Variants in OPLAH observed in about 807,000 individuals in gnomAD.
OPLAH encodes the protein 5-oxoprolinase.
Under a neutral mutation model 122.8 loss-of-function variants are expected in OPLAH, and 103 were observed. The ratio of observed to expected loss-of-function variants is 0.84; its 90% CI spans 0.71 to 0.99. OPLAH has a LOEUF of 0.99. Ranked by LOEUF, OPLAH falls within the 50% of genes least tolerant of loss-of-function variation. OPLAH has a pLI of 0.00. For missense variants in OPLAH, 1,902 were observed against 1,836.5 expected, an observed-to-expected ratio of 1.04 and a Z score of -0.65; for synonymous variants, 875 against 796.0, an observed-to-expected ratio of 1.10 and a Z score of -1.67.
In OPLAH at chr8:144,056,679, G is replaced by A. The variant is rs1554759245; in HGVS notation, c.1783C>T (p.Gln595Ter). Residue 595 changes from glutamine to a stop codon, truncating the protein, a stop_gained, in exon 13 of 27, where the codon CAG becomes TAG. Coordinates refer to ENST00000618853, the MANE Select transcript of OPLAH (RefSeq NM_017570.5). LOFTEE classifies it high-confidence loss of function. ...TDCALMVSAH[Q>*]HPATARSPRA... ...GGCGAGCGGGCTGTGGCTGGGTGCT[G>A]GTGGGCAGACACCATCAGAGCACAG... The A allele has an allele frequency of 1.9e-6, 3 of 1,611,760 alleles. No homozygotes were observed. Among genetic ancestry groups the A allele is most frequent in the Non-Finnish European group, 2.5e-6 (3 of 1,179,620 alleles).
chr8:144,056,623 C>T lies in OPLAH; in HGVS notation c.1839G>A (p.Val613=). Residue 613 remains valine, a synonymous_variant, in exon 13 of 27, where the codon GTG becomes GTA. Coordinates refer to ENST00000618853, the MANE Select transcript of OPLAH (RefSeq NM_017570.5). ...GGAGTCAGGAAGCCACGTACCGCTC[C>T]ACAAAGGCTGCCCCGAAGTCCCCCG... ...PRAGDFGAAF[V]ERYMREFGFV... is the part of the protein sequence containing the mutation. The T allele has an allele frequency of 6.2e-7, 1 of 1,612,316 alleles. No individual in the cohort carries two copies. The highest frequency in any genetic ancestry group is 8.5e-7 in the Non-Finnish European group (1 of 1,179,778).
chr8:144,057,650 G>A lies in OPLAH; in HGVS notation c.1220C>T (p.Pro407Leu). The A allele has an allele frequency of 6.2e-7, 1 of 1,606,176 alleles. No homozygotes were observed. The highest frequency in any genetic ancestry group is 8.5e-7 in the Non-Finnish European group (1 of 1,176,212). ...VLGRLLPASF[P>L]CIFGPGENQP... ...GTTCTCTCCCGGCCCAAAAATGCAG[G>A]GGAAGGAGGCAGGCAGCAGGCGACC... is the stretch of plus-strand genomic sequence containing the variant. Residue 407 changes from proline (P) to leucine (L), a missense_variant, in exon 10 of 27, where the codon CCC becomes CTC. Physicochemically the swap from Pro to Leu is moderately conservative, Grantham distance 98 (BLOSUM62 -3). Coordinates refer to ENST00000618853, the MANE Select transcript of OPLAH (RefSeq NM_017570.5).
chr8:144,059,698 C>T lies in OPLAH; in HGVS notation c.264G>A (p.Leu88=). ...CCACCCGCTCCCCCTTCCGCTCCAGCAGTGCGTTGGTGGCCACTGTGGTGC... is the reference window on the plus strand; with the variant it reads ...CCACCCGCTCCCCCTTCCGCTCCAGTAGTGCGTTGGTGGCCACTGTGGTGC... ...RMGTTVATNA[L]LERKGERVAL... is the part of the protein sequence containing the mutation. Residue 88 remains leucine, a synonymous_variant, in exon 3 of 27, where the codon CTG becomes CTA. Transcript: ENST00000618853. The T allele has an allele frequency of 1.2e-6, 2 of 1,612,148 alleles. No individual in the cohort carries two copies. Among genetic ancestry groups the T allele is most frequent in the Non-Finnish European group, 1.7e-6 (2 of 1,179,836 alleles).
rs781909327 is a variant in OPLAH, at chr8:144,059,012, C to T, written c.431G>A (p.Arg144His). The T allele has an allele frequency of 1.6e-5, 25 of 1,583,360 alleles. No individual in the cohort carries two copies. The highest frequency in any genetic ancestry group is 1.6e-4 in the Middle Eastern group (1 of 6,062). The stretch of plus-strand genomic sequence containing the variant: ...AGGCGTCCCGGTGCCCGCCTCTCCA[C>T]GGTGCAGCACCACGCGTTCGTCCAC... The part of the protein sequence containing the change: ...LEVDERVVLH[R>H]GEAGTGTPVK... The change falls in exon 4 of 27, where the codon CGT (arginine) becomes CAT (histidine). Residue 144 changes from arginine (R) to histidine (H), a missense_variant. Arg to His is a conservative substitution (Grantham distance 29). Coordinates refer to ENST00000618853, the MANE Select transcript of OPLAH (RefSeq NM_017570.5).
chr8:144,051,713 A>C lies in OPLAH; in HGVS notation c.3720+16T>G. The C allele has an allele frequency of 1.3e-6, 2 of 1,575,634 alleles. No homozygotes were observed. The highest frequency in any genetic ancestry group is 1.7e-6 in the Non-Finnish European group (2 of 1,160,366). ...GGAGGGGAGGGGAGGGGGACAGGAC[A>C]GGCCGCGGCCCTTACCCCGGGGTAC... On this transcript the variant is annotated intron_variant, in intron 26 of 26. Coordinates refer to ENST00000618853, the MANE Select transcript of OPLAH (RefSeq NM_017570.5).
Position 144,055,890 on chromosome 8 carries a change from C to G in OPLAH, c.2146G>C (p.Asp716His). 6.3e-7 allele frequency: 1 copy of G among 1,587,126 alleles called. No individual in the cohort carries two copies. The highest frequency in any genetic ancestry group is 8.6e-7 in the Non-Finnish European group (1 of 1,167,104). The change falls in exon 16 of 27, where the codon GAC (aspartate) becomes CAC (histidine). Residue 716 changes from aspartate to histidine, a missense_variant. Around this residue, in one of 3 missense-constraint regions of OPLAH, gnomAD observed 1,726 missense variants for 1,642.1 expected, o/e 1.05. Coordinates refer to ENST00000618853, the MANE Select transcript of OPLAH (RefSeq NM_017570.5). This position sits in a 1 kb window ranked among gnomAD's most constrained non-coding sequence, Gnocchi z 6.5. Reference sequence around the variant, plus strand: ...TCGGCCCCCACGGAGATGCAGATGTCCCCTGTCTTGGTCACCTCTGCCTGG... The same window carrying G: ...TCGGCCCCCACGGAGATGCAGATGTGCCCTGTCTTGGTCACCTCTGCCTGG... ...GCQAEVTKTGDICISVGAEVP... is the reference protein window; with the variant it reads ...GCQAEVTKTGHICISVGAEVP...
rs1350352849 is a variant in OPLAH at position 144,060,681 on chromosome 8, G to GCGGTC, written c.-87_-83dup. Reference sequence around the variant, plus strand: ...GCGCTCGGCTCCGGCTCGGTCGCTCGCGGTCGGCTCTGCCTGCGCTCCCGG... The same window carrying GCGGTC: ...GCGCTCGGCTCCGGCTCGGTCGCTCGCGGTCCGGTCGGCTCTGCCTGCGCTCCCGG... On this transcript the variant is annotated 5_prime_UTR_variant, in exon 1 of 27. Transcript: ENST00000618853. The GCGGTC allele has an allele frequency of 6.6e-6, 1 of 152,060 alleles. No homozygotes were observed. The allele number at this position is 152,060 out of a possible 1,614,324, so 9.4% of individuals were successfully genotyped here.
Position 144,052,156 on chromosome 8 carries a change from G to T in OPLAH, c.3461+13C>A. On this transcript the variant is annotated intron_variant, in intron 24 of 26. Transcript: ENST00000618853. Reference sequence around the variant, plus strand: ...ACCCGGCCGTGCCCCCAGCCTCCGCGCACGCCGCTCACCGGCTCTCCAGGA... The same window carrying T: ...ACCCGGCCGTGCCCCCAGCCTCCGCTCACGCCGCTCACCGGCTCTCCAGGA... The T allele has an allele frequency of 6.4e-7, 1 of 1,556,830 alleles. No homozygotes were observed.
chr8:144,063,086 G>C (rs1183513758), upstream of OPLAH, among the ~76,000 whole-genome samples: 1 of 151,994 alleles, frequency 6.6e-6, no homozygotes, highest in Non-Finnish European at 1.5e-5. This position sits in a 1 kb window ranked among gnomAD's most constrained non-coding sequence, Gnocchi z 4.2. Flanking sequence ...ATGCCACGCA[G>C]CCCCTCCACA....
At chr8:144,056,787 A>T in intron 12 of OPLAH, 32 bp from the exon 13 acceptor site, 1 of 1,583,852 alleles carries the variant, frequency 6.3e-7, no homozygotes, top group Admixed American at 1.7e-5. Flanking sequence ...ACTCACACCA[A>T]ACCCCCTGCC....
At position 144,052,508 on chromosome 8, in the gene OPLAH, T is replaced by C. The variant is rs782458510; in HGVS notation, c.3244A>G (p.Thr1082Ala). Reference sequence around the variant, plus strand: ...ATGACATCCACCACGCGCTGCGACGTGAGCACGTTGCCGCCCACCACCGCC... The same window carrying C: ...ATGACATCCACCACGCGCTGCGACGCGAGCACGTTGCCGCCCACCACCGCC... ...EAAVVGGNVL[T>A]SQRVVDVILG... Residue 1082 changes from threonine to alanine, a missense_variant, in exon 23 of 27, where the codon ACG becomes GCG. Thr to Ala is a moderately conservative substitution (Grantham distance 58). Transcript: ENST00000618853. 6.3e-7 allele frequency: 1 copy of C among 1,578,766 alleles called. No individual in the cohort carries two copies. The highest frequency in any genetic ancestry group is 1.1e-5 in the South Asian group (1 of 87,650).
chr8:144,052,820 G>A lies in OPLAH; in HGVS notation c.3099C>T (p.Ser1033=). ...GACAGCGCAGGCAGTAGATGAGGGC[G>A]GACAGGGTTACGGCCCGCGGTGCGT... ...NLNAPRAVTL[S]ALIYCLRCLV... is the part of the protein sequence containing the mutation. Residue 1033 remains serine, a synonymous_variant, in exon 22 of 27, where the codon TCC becomes TCT. Transcript: ENST00000618853. 3 of 1,560,384 alleles carry A rather than the reference G, an allele frequency of 1.9e-6. No individual in the cohort carries two copies. The highest frequency in any genetic ancestry group is 1.2e-5 in the South Asian group (1 of 84,698).
At chr8:144,063,684 C>T (rs1554761246), upstream of OPLAH, 2 of 152,510 alleles carry the variant, frequency 1.3e-5, no homozygotes, top group African/African-American at 4.8e-5. The surrounding 1 kb of genome is among the most constrained non-coding windows in gnomAD (Gnocchi z 4.2). Flanking sequence ...AGTCTTGGGG[C>T]CCCGGTACGG....
At chr8:144,052,688 G>C (rs1835413767) in intron 22 of OPLAH, 78 bp downstream of exon 22, 1 of 1,538,550 alleles carries the variant, frequency 6.5e-7, no homozygotes, top group Non-Finnish European at 8.8e-7. Context: ...CGTGGGGTCA[G>C]ACCGTGGCTG....
chr8:144,059,201 G>T, intron 3 of OPLAH, 122 bp from the exon 4 acceptor site: 1 of 803,300 alleles, frequency 1.2e-6, no homozygotes, highest in Non-Finnish European at 2.0e-6. Context: ...GCCCAGGAGA[G>T]TCATACCTGG....
Position 144,051,491 on chromosome 8 carries a change from G to GC in OPLAH, c.3721-20dup. 2.2e-6 allele frequency: 3 copies of GC among 1,381,846 alleles called. No homozygotes were observed. Among genetic ancestry groups the GC allele is most frequent in the Non-Finnish European group, 2.9e-6 (3 of 1,052,586 alleles). 85.6% of individuals were successfully genotyped at this position (1,381,846 alleles called of 1,614,324 possible). ...ACACATCCTGTTGGCGCGGGGGGGG[G>GC]CGGGGAGGCGGGCTCAGTGCAGGCG... On this transcript the variant is annotated intron_variant, in intron 26 of 26. Coordinates refer to ENST00000618853, the MANE Select transcript of OPLAH (RefSeq NM_017570.5).
At chr8:144,057,794 G>A (rs782115996) in intron 9 of OPLAH, 62 bp downstream of exon 9, 2 of 1,607,546 alleles carry the variant, frequency 1.2e-6, no homozygotes, top group South Asian at 1.1e-5. Flanking sequence ...GCTGACAGGA[G>A]GGGCTGGGCC....
intron 1 of OPLAH, among the ~76,000 whole-genome samples, chr8:144,060,417 C>G (rs1418307419): frequency 6.6e-6 from 1 of 152,190 alleles, no homozygotes; most frequent in Non-Finnish European, 1.5e-5. Flanking sequence ...CACGGGAGTG[C>G]GGGGAGGGGG....
rs782134508 is a variant in OPLAH at position 144,058,325 on chromosome 8, G to A, written c.863C>T (p.Ser288Leu). The A allele has an allele frequency of 1.1e-5, 17 of 1,601,370 alleles. No homozygotes were observed. The Admixed American group carries it at 1.5e-4, about 15-fold the overall frequency. The part of the protein sequence containing the change: ...DTFSGSSAVL[S>L]GPAGGVVGYS... Reference sequence around the variant, plus strand: ...GCCCACCACGCCGCCGGCCGGGCCCGAGAGCACAGCACTGGAGCCGCTGAA... The same window carrying A: ...GCCCACCACGCCGCCGGCCGGGCCCAAGAGCACAGCACTGGAGCCGCTGAA... The change falls in exon 7 of 27, where the codon TCG (serine) becomes TTG (leucine). Residue 288 changes from serine (S) to leucine (L), a missense_variant. Ser to Leu is a moderately radical substitution (Grantham distance 145). Transcript: ENST00000618853.
Sources: allele counts gnomAD v4.1 joint callset (sites outside exome capture counted in the v4.1 genomes callset), GRCh38; gene constraint gnomAD v4.1.1; regional missense constraint gnomAD v4.1.1; non-coding constraint Gnocchi (gnomAD v3.1); transcripts MANE v1.5; gene names NCBI Gene and HGNC (gene_info 2026-07-23, HGNC 2026-07-21).